IP6K3: variants seen among roughly 807,000 people sequenced by gnomAD.
IP6K3 encodes the protein inositol hexakisphosphate kinase 3.
In IP6K3, 20 loss-of-function variants were observed where a neutral mutation model predicts 28.8. The observed-to-expected ratio is 0.70, with a 90% CI of 0.49 to 1.01. The LOEUF (loss-of-function observed/expected upper bound fraction) is 1.01. Ranked by LOEUF, IP6K3 falls within the 50% of genes least tolerant of loss-of-function variation. The pLI is 0.00. For synonymous variants in IP6K3, 213 were observed against 221.3 expected (o/e 0.96, Z 0.33); for missense variants, 480 against 537.1 (o/e 0.89, Z 1.05).
the IP6K3 span, among the ~76,000 whole-genome samples, chr6:33,754,997 T>A: frequency 2.6e-5 from 4 of 152,152 alleles, no homozygotes; most frequent in South Asian, 6.2e-4. Flanking sequence ...GGGTTGAGAG[T>A]CCCCTGGGAG....
chr6:33,723,275 A>G (rs754012078), intron 5 of IP6K3, 88 bp from the exon 6 acceptor site: 160 of 862,380 alleles, frequency 1.9e-4, no homozygotes, highest in Non-Finnish European at 2.7e-4. Flanking sequence ...AAGCTGGGAT[A>G]ATATATGAAC....
Position 33,722,793 on chromosome 6 carries a change from C to A in IP6K3, c.1160G>T (p.Gly387Val), listed in dbSNP as rs1352401781. The A allele has an allele frequency of 6.2e-7, 1 of 1,614,008 alleles. No homozygotes were observed. The highest frequency in any genetic ancestry group is 1.7e-5 in the Admixed American group (1 of 60,000). ...GCCAAAAATATAGCCAGGGTCTGGT[C>A]CATCGTAGGTGGTGTGCTCATTCCA... is the stretch of plus-strand genomic sequence containing the variant. ...GYWNEHTTYD[G>V]PDPGYIFGLE... Residue 387 changes from glycine (G) to valine (V), a missense_variant, in exon 6 of 6, where the codon GGA (glycine) becomes GTA (valine). Coordinates refer to ENST00000293756, the MANE Select transcript of IP6K3 (RefSeq NM_054111.5).
In IP6K3 at chr6:33,726,379, C is replaced by A. The variant is rs143730764; in HGVS notation, c.589+352G>T. 3.7e-3 allele frequency among the ~76,000 whole-genome samples: 560 copies of A among 152,282 alleles called. 4 individuals are homozygous for A. Among genetic ancestry groups the A allele is most frequent in the African/African-American group, 0.013 (528 of 41,540 alleles). ...ATCCAGCTTTCTGAGCCCCCTGCTG[C>A]CCCCACGCAACATGGCATTCCTTAT... is the stretch of plus-strand genomic sequence containing the variant. On this transcript the variant is annotated intron_variant, in intron 4 of 5. Coordinates refer to ENST00000293756, the MANE Select transcript of IP6K3 (RefSeq NM_054111.5).
Position 33,728,625 on chromosome 6 carries a change from C to T in IP6K3, c.200-325G>A, listed in dbSNP as rs138808627. 7.3e-3 allele frequency among the ~76,000 whole-genome samples: 1,106 copies of T among 152,320 alleles called. 12 individuals carry two copies. Among genetic ancestry groups the T allele is most frequent in the African/African-American group, 0.02 (830 of 41,572 alleles). On this transcript the variant is annotated intron_variant, in intron 2 of 5. Coordinates refer to ENST00000293756, the MANE Select transcript of IP6K3 (RefSeq NM_054111.5). ...GTCCTTGCGTTCCAGTTCCTCTGTG[C>T]GCAGTCACACCTCCCAGTCACACCA... is the stretch of plus-strand genomic sequence containing the variant.
chr6:33,758,183 G>A, the IP6K3 span, among the ~76,000 whole-genome samples: 2 of 152,120 alleles, frequency 1.3e-5, no homozygotes, highest in African/African-American at 2.4e-5. Context: ...TTAAAGTCTG[G>A]TCAGAGAGTT....
Position 33,746,546 on chromosome 6 carries a change from C to T in IP6K3, c.-180+212G>A, listed in dbSNP as rs1306395206. The stretch of plus-strand genomic sequence containing the variant: ...CAGAATTCCTATACACTGAACTGTC[C>T]CAACGCCCTACCCCACCCCCGCCAC... On this transcript the variant is annotated intron_variant, in intron 1 of 5. Coordinates refer to ENST00000293756, the MANE Select transcript of IP6K3 (RefSeq NM_054111.5). This position sits in a 1 kb window ranked among gnomAD's most constrained non-coding sequence, Gnocchi z 6.5. The T allele has an allele frequency of 1.3e-5, 2 of 152,192 alleles. No individual in the cohort carries two copies. The highest frequency in any genetic ancestry group is 2.9e-5 in the Non-Finnish European group (2 of 68,070). The allele number at this position is 152,192 out of a possible 1,614,324, so 9.4% of individuals were successfully genotyped here.
At chr6:33,728,800 A>G (rs929192083) in intron 2 of IP6K3, among the ~76,000 whole-genome samples, 4 of 151,468 alleles carry the variant, frequency 2.6e-5, no homozygotes, top group African/African-American at 9.7e-5. Flanking sequence ...TCTCCCTCCC[A>G]CGTGTCTTTA....
intron 1 of IP6K3, among the ~76,000 whole-genome samples, chr6:33,737,720 A>C (rs1766578397): frequency 6.6e-6 from 1 of 152,200 alleles, no homozygotes; most frequent in Non-Finnish European, 1.5e-5. Flanking sequence ...TTTGGCTGGT[A>C]CGTAGGATGC....
rs949321573 is a variant in IP6K3, at chr6:33,726,925, C to G, written c.414-19G>C. The stretch of plus-strand genomic sequence containing the variant: ...GGCCGGGCTGCGGCGGAGTGGAGCA[C>G]AGGACGGTCAGAGCAGAGGTCTGGG... On this transcript the variant is annotated intron_variant, in intron 3 of 5. Transcript: ENST00000293756. The G allele has an allele frequency of 4.4e-6, 7 of 1,581,862 alleles. No homozygotes were observed. The highest frequency in any genetic ancestry group is 6.0e-6 in the Non-Finnish European group (7 of 1,157,496).
chr6:33,731,296 G>T (rs555211785), intron 2 of IP6K3, among the ~76,000 whole-genome samples: 23 of 152,210 alleles, frequency 1.5e-4, no homozygotes, highest in Admixed American at 6.5e-4. Flanking sequence ...CCTGCCACAC[G>T]TGAGGCTATG....
Position 33,722,469 on chromosome 6 carries a change from G to A in IP6K3, c.*251C>T. 1 of 349,084 alleles carries A rather than the reference G, an allele frequency of 2.9e-6. No homozygotes were observed. Among genetic ancestry groups the A allele is most frequent in the Non-Finnish European group, 5.2e-6 (1 of 193,004 alleles). The allele number at this position is 349,084 out of a possible 1,614,324, so 21.6% of individuals were successfully genotyped here. A position where few individuals can be genotyped will look rare whatever the true frequency, so the allele number is the denominator to read the frequency against. On this transcript the variant is annotated 3_prime_UTR_variant, in exon 6 of 6. Transcript: ENST00000293756. ...CTGCCCCCTCCAGTGTACTCCAGAA[G>A]GTGCCACTTTATCCTGGCTGTCTGT...
chr6:33,736,386 A>C (rs1440644236), intron 1 of IP6K3, among the ~76,000 whole-genome samples: 1 of 151,792 alleles, frequency 6.6e-6, no homozygotes, highest in Non-Finnish European at 1.5e-5. Flanking sequence ...TGGGTACGGG[A>C]GTGCTTGCTT....
chr6:33,726,251 A>G (rs597304), intron 4 of IP6K3, among the ~76,000 whole-genome samples: 1 of 152,138 alleles, frequency 6.6e-6, no homozygotes, highest in African/African-American at 2.4e-5. Flanking sequence ...TGGGTGCTCC[A>G]CTAAGGGAGG....
chr6:33,734,097 G>A (rs866732109), intron 2 of IP6K3, among the ~76,000 whole-genome samples: 1 of 151,816 alleles, frequency 6.6e-6, no homozygotes, highest in African/African-American at 2.4e-5. Flanking sequence ...CAGTTACTCC[G>A]GAGGCTGAGG....
chr6:33,727,882 AT>A, intron 3 of IP6K3: 2 of 985,478 alleles, frequency 2.0e-6, no homozygotes, highest in Non-Finnish European at 2.4e-6. Flanking sequence ...GATAAAATGC[AT>A]CGTAATCCTC....
upstream of IP6K3, among the ~76,000 whole-genome samples, chr6:33,749,664 A>G (rs997310787): frequency 1.3e-4 from 20 of 151,460 alleles, no homozygotes; most frequent in African/African-American, 4.8e-4. Context: ...GGCCCCGGGA[A>G]TGGGAGGTGT....
At chr6:33,751,964 G>A in the IP6K3 span, among the ~76,000 whole-genome samples, 49 of 152,284 alleles carry the variant, frequency 3.2e-4, no homozygotes, top group Admixed American at 3.2e-3. This position sits in a 1 kb window ranked among gnomAD's most constrained non-coding sequence, Gnocchi z 4.3. Context: ...TCCCAGCAGC[G>A]CTGGGTCATT....
At chr6:33,747,671 CAGGT>C (rs1766951439), upstream of IP6K3, among the ~76,000 whole-genome samples, 4 of 121,576 alleles carry the variant, frequency 3.3e-5, no homozygotes, top group African/African-American at 1.5e-4. The surrounding 1 kb of genome is among the most constrained non-coding windows in gnomAD (Gnocchi z 5.2). Context: ...GGCCCAGAGG[CAGGT>C]GGGAGCAGGG....
chr6:33,750,412 C>T (rs1767007533), upstream of IP6K3, among the ~76,000 whole-genome samples: 1 of 152,234 alleles, frequency 6.6e-6, no homozygotes, highest in African/African-American at 2.4e-5. The surrounding 1 kb of genome is among the most constrained non-coding windows in gnomAD (Gnocchi z 4.3). Flanking sequence ...ACCTGGTTAA[C>T]TCCTCTTCAT....
Sources: gnomAD v4.1 joint callset for allele counts (sites outside exome capture counted in the v4.1 genomes callset) on GRCh38, gnomAD v4.1.1 for gene constraint, Gnocchi (gnomAD v3.1) non-coding constraint, MANE v1.5 for transcripts, NCBI Gene and HGNC (gene_info 2026-07-23, HGNC 2026-07-21) for gene names.